Variants in ARHGAP8 observed in about 807,000 individuals in gnomAD.
ARHGAP8 encodes rho GTPase-activating protein 8.
Under a neutral mutation model 46.1 loss-of-function variants are expected in ARHGAP8, and 62 were observed. That is an observed-to-expected ratio of 1.34 (90% CI 1.10 to 1.66). ARHGAP8 has a LOEUF of 1.66. Ranked by LOEUF, ARHGAP8 falls within the 40% of genes most tolerant of loss-of-function variation. The pLI, the probability that ARHGAP8 is intolerant of heterozygous loss-of-function variation, is 0.00. For missense variants in ARHGAP8, 923 were observed against 568.4 expected (o/e 1.62, Z -6.34); for synonymous variants, 375 against 243.1 (o/e 1.54, Z -5.05).
At chr22:44,781,329 T>A (rs2147035987) in intron 1 of ARHGAP8, among the ~76,000 whole-genome samples, 1 of 152,206 alleles carries the variant, frequency 6.6e-6, no homozygotes, top group South Asian at 2.1e-4. Flanking sequence ...TAGGAACCCA[T>A]TTCTCCCTTG....
chr22:44,765,960 G>C (rs1486123199), intron 1 of ARHGAP8: 1 of 152,358 alleles, frequency 6.6e-6, no homozygotes, highest in Non-Finnish European at 1.5e-5. Flanking sequence ...GCTGCTCCCT[G>C]GCGCAGGGAG....
At chr22:44,838,230 C>T (rs1290519053) in intron 7 of ARHGAP8, among the ~76,000 whole-genome samples, 4 of 151,990 alleles carry the variant, frequency 2.6e-5, no homozygotes, top group African/African-American at 9.7e-5. Context: ...CTCCGCCTCC[C>T]GGGTTCAAGC....
chr22:44,819,317 T>G (rs767050146), intron 5 of ARHGAP8, among the ~76,000 whole-genome samples: 1 of 152,224 alleles, frequency 6.6e-6, no homozygotes, highest in Non-Finnish European at 1.5e-5. Flanking sequence ...TCCTCCAGCC[T>G]CGGCCTCTCA....
intron 1 of ARHGAP8, among the ~76,000 whole-genome samples, chr22:44,778,470 T>C (rs1011215274): frequency 2.0e-5 from 3 of 152,230 alleles, no homozygotes; most frequent in Non-Finnish European, 4.4e-5. Flanking sequence ...CGATTGCGAA[T>C]TGTGCTGCTA....
chr22:44,862,332 G>T lies in ARHGAP8; in HGVS notation c.1039G>T (p.Gly347Trp). 1.2e-6 allele frequency: 2 copies of T among 1,613,856 alleles called. No homozygotes were observed. The highest frequency in any genetic ancestry group is 1.7e-6 in the Non-Finnish European group (2 of 1,179,856). ...MNSSNLACVF[G>W]LNLIWPSQGV... ...CAGCTCTAACCTGGCCTGTGTCTTC[G>T]GGCTGAATTTGATCTGGCCATCCCA... Residue 347 changes from glycine (G) to tryptophan (W), a missense_variant, in exon 12 of 12, where the codon GGG becomes TGG. By Grantham distance (184) the Gly-to-Trp change is radical. Transcript: ENST00000356099.
intron 1 of ARHGAP8, among the ~76,000 whole-genome samples, chr22:44,759,934 T>C (rs1924999706): frequency 6.6e-6 from 1 of 152,188 alleles, no homozygotes; most frequent in Non-Finnish European, 1.5e-5. Context: ...CAGAGATGCT[T>C]GGTGTTCCCT....
At chr22:44,787,879 G>A (rs1408524565) in intron 2 of ARHGAP8, among the ~76,000 whole-genome samples, 1 of 150,094 alleles carries the variant, frequency 6.7e-6, no homozygotes, top group Non-Finnish European at 1.5e-5. Flanking sequence ...CAAGAGGGCA[G>A]GACTTGACAG....
intron 11 of ARHGAP8, 114 bp from the exon 12 acceptor site, chr22:44,862,161 C>T: frequency 1.5e-6 from 2 of 1,295,910 alleles, no homozygotes; most frequent in Non-Finnish European, 2.0e-6. Context: ...TGCCGGCTCC[C>T]AGTCCAGTGC....
chr22:44,838,112 T>C (rs1314946273), intron 7 of ARHGAP8, among the ~76,000 whole-genome samples: 1 of 151,842 alleles, frequency 6.6e-6, no homozygotes, highest in Non-Finnish European at 1.5e-5. Flanking sequence ...TAGCTGAGAT[T>C]ACAGGAGTGC....
intron 2 of ARHGAP8, among the ~76,000 whole-genome samples, chr22:44,791,581 G>C (rs1172697948): frequency 6.6e-6 from 1 of 152,134 alleles, no homozygotes; most frequent in African/African-American, 2.4e-5. Context: ...GTGGGCACCT[G>C]TAATCCCCGC....
At chr22:44,780,012 CA>C (rs1926729043) in intron 1 of ARHGAP8, among the ~76,000 whole-genome samples, 1 of 152,164 alleles carries the variant, frequency 6.6e-6, no homozygotes, top group African/African-American at 2.4e-5. Flanking sequence ...GCTGGGACCC[CA>C]AGAGGTGGCA....
intron 7 of ARHGAP8, among the ~76,000 whole-genome samples, chr22:44,833,804 G>A (rs1412548359): frequency 6.6e-6 from 1 of 152,120 alleles, no homozygotes; most frequent in Non-Finnish European, 1.5e-5. Flanking sequence ...TTTGTGGGAA[G>A]TTTTAAAATT....
At chr22:44,836,148 C>T (rs1255044403) in intron 7 of ARHGAP8, among the ~76,000 whole-genome samples, 1 of 152,172 alleles carries the variant, frequency 6.6e-6, no homozygotes, top group East Asian at 1.9e-4. Flanking sequence ...ATTCCAGTGC[C>T]TTGTTGCCAC....
chr22:44,829,355 A>G (rs1433473476), intron 7 of ARHGAP8, among the ~76,000 whole-genome samples: 1 of 152,092 alleles, frequency 6.6e-6, no homozygotes, highest in African/African-American at 2.4e-5. Flanking sequence ...AAAGCCGTCT[A>G]CCTGAGTGAA....
chr22:44,854,424 G>T (rs1472897424), intron 10 of ARHGAP8, among the ~76,000 whole-genome samples: 1 of 151,586 alleles, frequency 6.6e-6, no homozygotes, highest in Non-Finnish European at 1.5e-5. Flanking sequence ...AGTAGAGACG[G>T]GCTTCACCAT....
At chr22:44,825,882 G>A (rs144604149) in intron 7 of ARHGAP8, among the ~76,000 whole-genome samples, 17 of 118,242 alleles carry the variant, frequency 1.4e-4, no homozygotes, top group African/African-American at 5.6e-4. Context: ...TGGGGGGCGC[G>A]TGCTTGCTGC....
intron 4 of ARHGAP8, among the ~76,000 whole-genome samples, chr22:44,811,022 C>T (rs75454585): frequency 0.012 from 1,874 of 152,296 alleles, 7 homozygotes; most frequent in Middle Eastern, 0.027. Context: ...ACGTGAGAAA[C>T]GAAGATGCAC....
At chr22:44,852,619 A>G (rs188123293) in intron 10 of ARHGAP8, among the ~76,000 whole-genome samples, 51 of 152,238 alleles carry the variant, frequency 3.4e-4, no homozygotes, top group Admixed American at 2.7e-3. Context: ...TCCTTCTCTC[A>G]GTGCTGTGAC....
chr22:44,821,596 T>C (rs1297432903), intron 5 of ARHGAP8, among the ~76,000 whole-genome samples: 1 of 152,240 alleles, frequency 6.6e-6, no homozygotes. Context: ...CATCTGTCAA[T>C]GATCCCCACT....
Sources: allele counts gnomAD v4.1 joint callset (sites outside exome capture counted in the v4.1 genomes callset), GRCh38; gene constraint gnomAD v4.1.1; transcripts MANE v1.5; gene names NCBI Gene and HGNC (gene_info 2026-07-23, HGNC 2026-07-21).